PCNX2: variants seen among roughly 807,000 people sequenced by gnomAD.
PCNX2 encodes the protein pecanex-like protein 2.
Under a neutral mutation model 223.8 loss-of-function variants are expected in PCNX2, and 168 were observed. The observed-to-expected ratio is 0.75, with a 90% confidence interval of 0.66 to 0.85. The LOEUF (loss-of-function observed/expected upper bound fraction) is 0.85, where lower values mean the gene tolerates loss of function less well. Ranked by LOEUF, PCNX2 falls within the 40% of genes least tolerant of loss-of-function variation. The probability of loss-of-function intolerance (pLI) is 0.00; values close to 1 mark genes in which losing one functional copy is unlikely to be tolerated. For missense variants in PCNX2, 2,507 were observed against 2,675.5 expected, an observed-to-expected ratio of 0.94 and a Z score of 1.39; for synonymous variants, 1,006 against 1,052.6, an observed-to-expected ratio of 0.96 and a Z score of 0.86.
At chr1:233,007,904 C>T (rs1231817284) in intron 28 of PCNX2, among the ~76,000 whole-genome samples, 5 of 152,116 alleles carry the variant, frequency 3.3e-5, no homozygotes, top group Admixed American at 1.3e-4. Flanking sequence ...GTCTCGAACT[C>T]CTGACCTCAA....
chr1:233,054,194 C>T (rs1298917210), intron 25 of PCNX2, 74 bp downstream of exon 25: 22 of 1,386,980 alleles, frequency 1.6e-5, no homozygotes, highest in Non-Finnish European at 2.0e-5. Context: ...ACAGTGACTT[C>T]TTCCTAAAGT....
intron 10 of PCNX2, 23 bp from the exon 11 acceptor site, chr1:233,218,207 A>C: frequency 3.7e-6 from 2 of 546,162 alleles, no homozygotes; most frequent in Non-Finnish European, 2.8e-6. Flanking sequence ...TATACATAAA[A>C]GCAAAAAAAA....
intron 17 of PCNX2, among the ~76,000 whole-genome samples, chr1:233,170,139 A>C (rs116781206): frequency 0.01 from 1,587 of 152,318 alleles, 27 homozygotes; most frequent in African/African-American, 0.036. Context: ...TTTTGGTGCA[A>C]ATGTGCAAGA....
At chr1:233,078,476 T>C (rs759295261) in intron 23 of PCNX2, among the ~76,000 whole-genome samples, 1 of 152,242 alleles carries the variant, frequency 6.6e-6, no homozygotes, top group Non-Finnish European at 1.5e-5. Flanking sequence ...CAGTTCCATC[T>C]CTAACACTTT....
Position 233,200,199 on chromosome 1 carries a change from T to G in PCNX2, c.2929A>C (p.Thr977Pro). 1 of 1,595,870 alleles carries G rather than the reference T, an allele frequency of 6.3e-7. No homozygotes were observed. The highest frequency in any genetic ancestry group is 8.5e-7 in the Non-Finnish European group (1 of 1,170,746). Residue 977 changes from threonine (T) to proline (P), a missense_variant, in exon 14 of 34, where the codon ACT becomes CCT. Physicochemically the swap from Thr to Pro is conservative, Grantham distance 38. Around this residue, in one of 3 missense-constraint regions of PCNX2, gnomAD observed 1,372 missense variants for 1,509.4 expected, o/e 0.91. Coordinates refer to ENST00000258229, the MANE Select transcript of PCNX2 (RefSeq NM_014801.4). The stretch of plus-strand genomic sequence containing the variant: ...ATGTCAATTTGCTCCAAAAGATAAG[T>G]GCAGAAAGTGTTGATTTGCGGGAAG... ...GLFPQINTFC[T>P]YLLEQIDMLF...
chr1:233,208,957 C>A, intron 12 of PCNX2, among the ~76,000 whole-genome samples: 1 of 151,436 alleles, frequency 6.6e-6, no homozygotes, highest in African/African-American at 2.4e-5. Context: ...CAAGATTTAC[C>A]TGAAAATTTA....
intron 15 of PCNX2, among the ~76,000 whole-genome samples, chr1:233,198,334 T>C (rs1680854943): frequency 6.6e-6 from 1 of 152,210 alleles, no homozygotes; most frequent in Admixed American, 6.5e-5. Flanking sequence ...TTACTCAGAT[T>C]ACTATATAAA....
intron 18 of PCNX2, among the ~76,000 whole-genome samples, chr1:233,161,028 A>G (rs1188147305): frequency 6.6e-6 from 1 of 152,188 alleles, no homozygotes; most frequent in Non-Finnish European, 1.5e-5. Context: ...TGCAAACAAA[A>G]CAGCTCCCCA....
At chr1:233,138,135 C>T (rs6424279) in intron 20 of PCNX2, among the ~76,000 whole-genome samples, 19,038 of 152,098 alleles carry the variant, frequency 0.13, 1,490 homozygotes, top group East Asian at 0.41. Context: ...GGAATTTCCA[C>T]CTTTGGGTTC....
At chr1:233,095,544 A>C (rs550261271) in intron 22 of PCNX2, 4 of 573,608 alleles carry the variant, frequency 7.0e-6, no homozygotes, top group South Asian at 6.7e-5. Context: ...GTAACTCCTG[A>C]ATATGCATTA....
chr1:233,136,609 G>T (rs2102769561), intron 20 of PCNX2, among the ~76,000 whole-genome samples: 1 of 152,264 alleles, frequency 6.6e-6, no homozygotes, highest in Middle Eastern at 3.4e-3. Context: ...TCTGTCTTTA[G>T]CCTCAACCTA....
At chr1:233,054,561 C>A in intron 24 of PCNX2, 78 bp from the exon 25 acceptor site, 1 of 1,187,776 alleles carries the variant, frequency 8.4e-7, no homozygotes, top group South Asian at 1.4e-5. Context: ...AGTGAGTTGT[C>A]ATCTGATTAA....
At chr1:233,252,308 A>C (rs1659501971) in intron 7 of PCNX2, 46 bp downstream of exon 7, 15 of 1,564,080 alleles carry the variant, frequency 9.6e-6, no homozygotes, top group Middle Eastern at 3.4e-4. Flanking sequence ...GAGAAAGCTG[A>C]CAGTTTTCCC....
chr1:233,031,979 GT>G (rs1671284194), intron 25 of PCNX2: 1 of 985,048 alleles, frequency 1.0e-6, no homozygotes, highest in Non-Finnish European at 1.2e-6. Flanking sequence ...CTAGGCTCCA[GT>G]GGGGGTGGGG....
chr1:233,087,201 CAA>C (rs1673651035), intron 23 of PCNX2: 1 of 985,178 alleles, frequency 1.0e-6, no homozygotes, highest in Non-Finnish European at 1.2e-6. Context: ...CCTGCACAAA[CAA>C]AAGTCAGCTT....
intron 10 of PCNX2, among the ~76,000 whole-genome samples, chr1:233,222,135 T>C (rs1018836697): frequency 6.6e-6 from 1 of 152,156 alleles, no homozygotes; most frequent in Non-Finnish European, 1.5e-5. Context: ...GAGACGAATG[T>C]TCCATGCGCA....
At chr1:233,153,285 AG>A (rs1677928153) in intron 19 of PCNX2, among the ~76,000 whole-genome samples, 1 of 152,238 alleles carries the variant, frequency 6.6e-6, no homozygotes, top group South Asian at 2.1e-4. Flanking sequence ...ACTCCAAAAA[AG>A]GGAGTAAACA....
chr1:233,259,384 A>G, intron 4 of PCNX2, 40 bp from the exon 5 acceptor site: 2 of 1,543,748 alleles, frequency 1.3e-6, no homozygotes, highest in Non-Finnish European at 1.7e-6. Flanking sequence ...ATCAGAAATG[A>G]ATGAGTAATG....
chr1:233,258,269 G>A lies in PCNX2; in HGVS notation c.1593C>T (p.Leu531=), dbSNP rs770853038. The A allele has an allele frequency of 3.1e-6, 5 of 1,613,888 alleles. No homozygotes were observed. Among genetic ancestry groups the A allele is most frequent in the Admixed American group, 3.3e-5 (2 of 60,006 alleles). ...AGACATCTGTCCCACTGTCCACACT[G>A]AGCACCCGGGCATGCCTCTTTTCAT... The part of the protein sequence containing the change: ...SSHEKRHARV[L]SVDSGTDVFL... The change falls in exon 5 of 34, where the codon CTC becomes CTT. Residue 531 remains leucine (L), a synonymous_variant. Coordinates refer to ENST00000258229, the MANE Select transcript of PCNX2 (RefSeq NM_014801.4).
Sources: allele counts gnomAD v4.1 joint callset (sites outside exome capture counted in the v4.1 genomes callset), GRCh38; gene constraint gnomAD v4.1.1; regional missense constraint gnomAD v4.1.1; transcripts MANE v1.5; gene names NCBI Gene and HGNC (gene_info 2026-07-23, HGNC 2026-07-21).